Variants in CAMTA1 observed in about 807,000 individuals in gnomAD.
CAMTA1 encodes calmodulin binding transcription activator 1.
In CAMTA1, 27 loss-of-function variants were observed where a neutral mutation model predicts 170.9. The ratio of observed to expected loss-of-function variants is 0.16; its 90% CI spans 0.12 to 0.22. The LOEUF is 0.22. CAMTA1 is among the 10% of genes least tolerant of loss of function. The pLI is 1.00. For missense variants in CAMTA1, 1,619 were observed against 2,217.2 expected, an observed-to-expected ratio of 0.73 and a Z score of 5.42; for synonymous variants, 833 against 891.5, an observed-to-expected ratio of 0.93 and a Z score of 1.17.
At chr1:6,907,492 A>C (rs957493332) in intron 3 of CAMTA1, among the ~76,000 whole-genome samples, 1 of 151,956 alleles carries the variant, frequency 6.6e-6, no homozygotes. Context: ...CTCCTGGGGG[A>C]GTTTCACATG....
At chr1:7,006,108 T>G (rs1418486389) in intron 3 of CAMTA1, among the ~76,000 whole-genome samples, 1 of 152,138 alleles carries the variant, frequency 6.6e-6, no homozygotes, top group African/African-American at 2.4e-5. Flanking sequence ...TAGCTAGATG[T>G]GGAGGAAAAT....
At chr1:6,859,551 G>T (rs1310062646) in intron 3 of CAMTA1, among the ~76,000 whole-genome samples, 1 of 152,188 alleles carries the variant, frequency 6.6e-6, no homozygotes, top group East Asian at 1.9e-4. Flanking sequence ...CAGTTTGAAA[G>T]GTCTGGGCAG....
intron 11 of CAMTA1, among the ~76,000 whole-genome samples, chr1:7,704,838 A>C (rs1013814844): frequency 1.4e-5 from 2 of 143,788 alleles, no homozygotes; most frequent in Admixed American, 6.8e-5. Context: ...CGCGGGAGCC[A>C]GTGAGCGGCG....
intron 4 of CAMTA1, among the ~76,000 whole-genome samples, chr1:7,192,844 G>T (rs991960893): frequency 6.6e-6 from 1 of 152,208 alleles, no homozygotes; most frequent in Admixed American, 6.5e-5. Context: ...GAAGGAAAAG[G>T]AAAGAAGGAG....
chr1:6,821,896 T>C (rs1646526754), intron 2 of CAMTA1, among the ~76,000 whole-genome samples: 1 of 152,190 alleles, frequency 6.6e-6, no homozygotes, highest in Non-Finnish European at 1.5e-5. Context: ...TATATTATAC[T>C]ACACCTTGTA....
chr1:6,789,179 G>A (rs1640301564), intron 1 of CAMTA1, among the ~76,000 whole-genome samples: 1 of 151,472 alleles, frequency 6.6e-6, no homozygotes, highest in Non-Finnish European at 1.5e-5. Context: ...AGGTCAGATT[G>A]GGTCAGCTTT....
chr1:6,941,409 T>C (rs1210394287), intron 3 of CAMTA1, among the ~76,000 whole-genome samples: 1 of 152,120 alleles, frequency 6.6e-6, no homozygotes, highest in African/African-American at 2.4e-5. Context: ...GGCCAGGCAC[T>C]GGGGTGTTCA....
At chr1:7,150,143 G>A (rs1479281426) in intron 4 of CAMTA1, among the ~76,000 whole-genome samples, 1 of 152,216 alleles carries the variant, frequency 6.6e-6, no homozygotes, top group Admixed American at 6.5e-5. Context: ...CCCACTGTCC[G>A]TAAGGAGTGA....
At chr1:7,720,329 C>T (rs2096641258) in intron 11 of CAMTA1, among the ~76,000 whole-genome samples, 1 of 152,110 alleles carries the variant, frequency 6.6e-6, no homozygotes, top group Non-Finnish European at 1.5e-5. Context: ...CCATTTTTCT[C>T]TTGAAAAGGG....
At position 7,696,416 on chromosome 1, in the gene CAMTA1, G is replaced by A. The variant is rs944252968; in HGVS notation, c.2914+18683G>A. Among the ~76,000 whole-genome samples, 47 of 151,088 alleles carry A rather than the reference G, an allele frequency of 3.1e-4. 1 individual carries two copies. The highest frequency in any genetic ancestry group is 1.2e-4 in the Non-Finnish European group (8 of 67,944). ...TCACTATATTGGCCAGGCTGGTCTC[G>A]AACACCTGACCTCGTGATCCTCCCT... On this transcript the variant is annotated intron_variant, in intron 11 of 22. Transcript: ENST00000303635.
intron 4 of CAMTA1, among the ~76,000 whole-genome samples, chr1:7,205,372 A>C (rs533053187): frequency 1.6e-4 from 24 of 151,016 alleles, no homozygotes; most frequent in African/African-American, 4.6e-4. Flanking sequence ...CAAAGTGTTG[A>C]GATTACAGAC....
At chr1:6,931,783 T>C (rs1470291329) in intron 3 of CAMTA1, among the ~76,000 whole-genome samples, 1 of 152,164 alleles carries the variant, frequency 6.6e-6, no homozygotes, top group Admixed American at 6.5e-5. Context: ...TCTAGTTTCT[T>C]TTGGGAGAGA....
Position 7,320,761 on chromosome 1 carries a change from A to G in CAMTA1, c.438+71135A>G, listed in dbSNP as rs534338382. Among the ~76,000 whole-genome samples the G allele has an allele frequency of 7.1e-4, 107 of 150,932 alleles. 1 individual carries two copies. Among genetic ancestry groups the G allele is most frequent in the Non-Finnish European group, 1.4e-3 (95 of 67,854 alleles). The stretch of plus-strand genomic sequence containing the variant: ...ATGTACCTCACAGACCAAGGGCCCA[A>G]TGTGGGGCTGTACCAACTGTCAAGA... On this transcript the variant is annotated intron_variant, in intron 5 of 22. Transcript: ENST00000303635.
intron 6 of CAMTA1, among the ~76,000 whole-genome samples, chr1:7,550,484 C>T (rs899690758): frequency 1.3e-5 from 2 of 151,638 alleles, no homozygotes; most frequent in Non-Finnish European, 2.9e-5. Flanking sequence ...CTGGCCCTGG[C>T]CACCTGGGCC....
At chr1:7,070,507 A>G (rs1187091739) in intron 3 of CAMTA1, among the ~76,000 whole-genome samples, 2 of 152,156 alleles carry the variant, frequency 1.3e-5, no homozygotes, top group Non-Finnish European at 2.9e-5. Flanking sequence ...TTTTCCTTCC[A>G]AAGTCGAAAG....
rs1270148550 is a variant in CAMTA1 at position 7,249,849 on chromosome 1, T to G, written c.438+223T>G. 1.3e-5 allele frequency among the ~76,000 whole-genome samples: 2 copies of G among 152,214 alleles called. No homozygotes were observed. Among genetic ancestry groups the G allele is most frequent in the East Asian group, 3.9e-4 (2 of 5,194 alleles). The stretch of plus-strand genomic sequence containing the variant: ...GATTGAACTAAAGCACTCCTGTTTC[T>G]TGGGAGTCATTGCTATATAGATGGG... On this transcript the variant is annotated intron_variant, in intron 5 of 22. Coordinates refer to ENST00000303635, the MANE Select transcript of CAMTA1 (RefSeq NM_015215.4). The surrounding 1 kb of genome is among the most constrained non-coding windows in gnomAD (Gnocchi z 4.4).
intron 6 of CAMTA1, among the ~76,000 whole-genome samples, chr1:7,598,586 C>G (rs953875132): frequency 1.2e-4 from 18 of 152,224 alleles, no homozygotes; most frequent in African/African-American, 4.3e-4. Context: ...TCCACATCCT[C>G]TCCAGCACCT....
chr1:7,208,143 C>T (rs74051186), intron 4 of CAMTA1, among the ~76,000 whole-genome samples: 12,662 of 152,250 alleles, frequency 0.083, 1,618 homozygotes, highest in African/African-American at 0.28. Context: ...TCAGGCAGTG[C>T]TTTCTGGCAG....
intron 3 of CAMTA1, among the ~76,000 whole-genome samples, chr1:6,942,428 C>G (rs963409726): frequency 1.3e-5 from 2 of 152,076 alleles, no homozygotes; most frequent in Non-Finnish European, 1.5e-5. Flanking sequence ...GAGGCTGAAG[C>G]AGGAGGATCA....
Sources: gnomAD v4.1 joint callset for allele counts (sites outside exome capture counted in the v4.1 genomes callset) on GRCh38, gnomAD v4.1.1 for gene constraint, Gnocchi (gnomAD v3.1) non-coding constraint, MANE v1.5 for transcripts, NCBI Gene and HGNC (gene_info 2026-07-23, HGNC 2026-07-21) for gene names.